The following LRP1B variants were observed in gnomAD, a reference collection of about 807,000 sequenced individuals.
LRP1B encodes LDL receptor related protein 1B, also known as low-density lipoprotein receptor-related protein 1B.
Under a neutral mutation model 556.6 loss-of-function variants are expected in LRP1B, and 217 were observed. The observed-to-expected ratio is 0.39, with a 90% confidence interval of 0.35 to 0.44. The LOEUF (loss-of-function observed/expected upper bound fraction) is 0.44, where lower values mean the gene tolerates loss of function less well. LRP1B is among the 20% of genes least tolerant of loss of function. LRP1B has a pLI of 1.00. For synonymous variants in LRP1B, 2,047 were observed against 1,865.8 expected (o/e 1.10, Z -2.50); for missense variants, 5,053 against 5,620.8 (o/e 0.90, Z 3.23).
At chr2:141,132,844 ACCT>A (rs1701393470) in intron 7 of LRP1B, among the ~76,000 whole-genome samples, 1 of 151,994 alleles carries the variant, frequency 6.6e-6, no homozygotes, top group East Asian at 1.9e-4. Context: ...TATTTTTTAA[ACCT>A]CCTAGAAAAA....
intron 2 of LRP1B, among the ~76,000 whole-genome samples, chr2:141,750,700 C>G (rs13399275): frequency 0.036 from 5,425 of 152,016 alleles, 313 homozygotes; most frequent in African/African-American, 0.12. Flanking sequence ...TTTATTGAAA[C>G]AGTGAAGCTT....
At chr2:140,323,077 C>G (rs768369829) in intron 81 of LRP1B, among the ~76,000 whole-genome samples, 2 of 151,982 alleles carry the variant, frequency 1.3e-5, no homozygotes, top group Non-Finnish European at 2.9e-5. Flanking sequence ...TAAACACCAA[C>G]TGTTATCTTT....
intron 29 of LRP1B, among the ~76,000 whole-genome samples, chr2:140,844,686 G>T (rs943217389): frequency 1.3e-5 from 2 of 151,928 alleles, no homozygotes; most frequent in Non-Finnish European, 2.9e-5. Context: ...TCCAGTTCTG[G>T]GGTCTCTCAT....
At chr2:140,456,203 CATT>C (rs1687100387) in intron 62 of LRP1B, among the ~76,000 whole-genome samples, 1 of 152,140 alleles carries the variant, frequency 6.6e-6, no homozygotes, top group Admixed American at 6.6e-5. Context: ...GGATTTGAGT[CATT>C]ATTTATGTGG....
In LRP1B at chr2:140,700,614, A is replaced by G; in HGVS notation, c.6435T>C (p.Asn2145=). Residue 2145 remains asparagine, a synonymous_variant, in exon 41 of 91, where the codon AAT becomes AAC. Coordinates refer to ENST00000389484, the MANE Select transcript of LRP1B (RefSeq NM_018557.3). ...AGCCACCATTGTCCCTGGCACAAAC[A>G]TTGGTCCCTAATGAAGAAAAATGAT... ...IFNRVREKGT[N]VCARDNGGCK... 2 of 1,613,340 alleles carry G rather than the reference A, an allele frequency of 1.2e-6. No individual in the cohort carries two copies. The highest frequency in any genetic ancestry group is 1.7e-6 in the Non-Finnish European group (2 of 1,179,486).
chr2:140,237,526 T>G (rs1492388), intron 89 of LRP1B, among the ~76,000 whole-genome samples: 87,460 of 150,444 alleles, frequency 0.58, 25,899 homozygotes, highest in Non-Finnish European at 0.64. Context: ...AAAGAAGGAT[T>G]CCATGTCTGA....
At chr2:141,932,646 A>T (rs1700537546) in intron 1 of LRP1B, among the ~76,000 whole-genome samples, 1 of 152,092 alleles carries the variant, frequency 6.6e-6, no homozygotes, top group African/African-American at 2.4e-5. Flanking sequence ...CAGAACTCAA[A>T]GGTGATGTAA....
intron 11 of LRP1B, among the ~76,000 whole-genome samples, chr2:141,039,741 T>C (rs1558817987): frequency 6.6e-6 from 1 of 152,112 alleles, no homozygotes; most frequent in Non-Finnish European, 1.5e-5. Context: ...ACTAGAACCC[T>C]CTAGCCACCA....
chr2:140,807,540 A>G (rs1168657084), intron 32 of LRP1B, among the ~76,000 whole-genome samples: 1 of 145,140 alleles, frequency 6.9e-6, no homozygotes, highest in East Asian at 2.1e-4. Flanking sequence ...TTTAGTAGAG[A>G]TGGGGTTTCA....
intron 47 of LRP1B, among the ~76,000 whole-genome samples, chr2:140,527,286 T>C (rs569407188): frequency 6.6e-6 from 1 of 152,008 alleles, no homozygotes; most frequent in Admixed American, 6.6e-5. Context: ...ATATTTCTAT[T>C]CCAAATTCAA....
chr2:141,061,138 G>A (rs1574032993), intron 8 of LRP1B, among the ~76,000 whole-genome samples: 1 of 151,804 alleles, frequency 6.6e-6, no homozygotes, highest in African/African-American at 2.4e-5. Context: ...TTGAAGGTGA[G>A]AGAGAAAGCA....
At chr2:141,290,202 G>A (rs1308230126) in intron 3 of LRP1B, among the ~76,000 whole-genome samples, 2 of 152,072 alleles carry the variant, frequency 1.3e-5, no homozygotes, top group East Asian at 1.9e-4. Context: ...TATTTAAAGA[G>A]CAATAGCTCT....
chr2:140,745,609 CCTCT>C (rs1159777488), intron 35 of LRP1B, among the ~76,000 whole-genome samples: 2 of 151,798 alleles, frequency 1.3e-5, no homozygotes, highest in Non-Finnish European at 2.9e-5. Context: ...GTGAGTTCAC[CCTCT>C]CTTTCTTTCC....
chr2:141,469,002 T>C (rs1240469694), intron 3 of LRP1B, among the ~76,000 whole-genome samples: 1 of 151,600 alleles, frequency 6.6e-6, no homozygotes, highest in African/African-American at 2.4e-5. Flanking sequence ...GGTTCTACAA[T>C]CCCTTGTGGC....
At chr2:142,010,965 A>G (rs1702943683) in intron 1 of LRP1B, among the ~76,000 whole-genome samples, 1 of 152,204 alleles carries the variant, frequency 6.6e-6, no homozygotes, top group Admixed American at 6.5e-5. Flanking sequence ...CTTTCTTTTG[A>G]CAATAAGGTT....
chr2:141,305,791 AT>A (rs1342069215), intron 3 of LRP1B, among the ~76,000 whole-genome samples: 28 of 152,186 alleles, frequency 1.8e-4, no homozygotes, highest in African/African-American at 6.8e-4. Context: ...GAGAGTGTTT[AT>A]CATGAAGAAA....
At chr2:140,890,196 C>G (rs1017805016) in intron 23 of LRP1B, among the ~76,000 whole-genome samples, 1 of 107,602 alleles carries the variant, frequency 9.3e-6, no homozygotes, top group African/African-American at 2.9e-5. Flanking sequence ...AAAACACAAA[C>G]TGTAAGGATA....
chr2:141,569,725 A>C (rs933038292), intron 2 of LRP1B, among the ~76,000 whole-genome samples: 5 of 151,144 alleles, frequency 3.3e-5, no homozygotes, highest in Non-Finnish European at 7.4e-5. Context: ...GAAAATGCCA[A>C]ATTAACAAGT....
intron 2 of LRP1B, among the ~76,000 whole-genome samples, chr2:141,674,517 C>T (rs188245791): frequency 2.0e-5 from 3 of 152,106 alleles, no homozygotes; most frequent in African/African-American, 7.2e-5. Flanking sequence ...TCTCATAAAG[C>T]TATTCCTTCA....
Sources: gnomAD v4.1 joint callset for allele counts (sites outside exome capture counted in the v4.1 genomes callset) on GRCh38, gnomAD v4.1.1 for gene constraint, MANE v1.5 for transcripts, NCBI Gene and HGNC (gene_info 2026-07-23, HGNC 2026-07-21) for gene names.